RGS12: variants seen among roughly 807,000 people sequenced by gnomAD.
The protein encoded by RGS12 is regulator of G-protein signaling 12.
RGS12 carries 66 observed loss-of-function variants against 120.1 expected under a neutral mutation model. The ratio of observed to expected loss-of-function variants is 0.55; its 90% CI spans 0.45 to 0.67. The LOEUF (loss-of-function observed/expected upper bound fraction) is 0.67. Ranked by LOEUF, RGS12 falls within the 30% of genes least tolerant of loss-of-function variation. The pLI, the probability that RGS12 is intolerant of heterozygous loss-of-function variation, is 0.00. For synonymous variants in RGS12, 827 were observed against 804.7 expected (o/e 1.03, Z -0.47); for missense variants, 1,859 against 1,957.7 (o/e 0.95, Z 0.95).
intron 3 of RGS12, among the ~76,000 whole-genome samples, chr4:3,363,156 CGT>C (rs906999595): frequency 3.1e-5 from 4 of 130,234 alleles, no homozygotes; most frequent in African/African-American, 1.2e-4. Context: ...TGCGCGAGGG[CGT>C]GTGTGTGAGT....
At chr4:3,431,820 C>T in intron 17 of RGS12, 1 of 985,732 alleles carries the variant, frequency 1.0e-6, no homozygotes, top group African/African-American at 1.7e-5. Flanking sequence ...CCTCTCCGTC[C>T]TGTGCCCTGG....
intron 1 of RGS12, among the ~76,000 whole-genome samples, chr4:3,302,777 A>G (rs541316849): frequency 6.6e-6 from 1 of 152,206 alleles, no homozygotes; most frequent in African/African-American, 2.4e-5. Context: ...TGGAGGAGTC[A>G]TTGGGGGCCT....
chr4:3,394,603 C>A (rs1719862939), intron 4 of RGS12, among the ~76,000 whole-genome samples: 1 of 152,218 alleles, frequency 6.6e-6, no homozygotes, highest in Admixed American at 6.5e-5. Flanking sequence ...CATTTCGTGA[C>A]ACTATTTAAA....
chr4:3,292,974 C>T (rs1345545738), upstream of RGS12: 1 of 150,260 alleles, frequency 6.7e-6, no homozygotes, highest in African/African-American at 2.4e-5. Flanking sequence ...CGTCCCCGCC[C>T]CTCCTCCGGC....
intron 4 of RGS12, 92 bp from the exon 5 acceptor site, chr4:3,413,980 G>T (rs957465616): frequency 4.6e-5 from 61 of 1,329,808 alleles, no homozygotes; most frequent in Non-Finnish European, 6.0e-5. Context: ...AGAGCTTGCT[G>T]CGTGTCCCAG....
At chr4:3,343,081 T>C in intron 3 of RGS12, 28 bp downstream of exon 3, 1 of 1,544,160 alleles carries the variant, frequency 6.5e-7, no homozygotes, top group Non-Finnish European at 8.9e-7. Context: ...TTTCTTCTTT[T>C]CTCCTTCAAG....
chr4:3,330,242 A>G (rs1343695812), intron 2 of RGS12, among the ~76,000 whole-genome samples: 2 of 152,166 alleles, frequency 1.3e-5, no homozygotes, highest in Non-Finnish European at 2.9e-5. Context: ...TTCCAAGTTT[A>G]TTTACTGTGA....
chr4:3,376,247 A>AACACACACACACACACAC (rs55666879), intron 3 of RGS12, among the ~76,000 whole-genome samples: 2 of 143,492 alleles, frequency 1.4e-5, no homozygotes, highest in Non-Finnish European at 1.5e-5. Context: ...AGCTCCTTGG[A>AACACACACACACACACAC]ACACACACAC....
chr4:3,316,208 C>G lies in RGS12; in HGVS notation c.38C>G (p.Pro13Arg). 3 of 1,593,928 alleles carry G rather than the reference C, an allele frequency of 1.9e-6. No homozygotes were observed. The highest frequency in any genetic ancestry group is 2.6e-6 in the Non-Finnish European group (3 of 1,168,494). Residue 13 changes from proline to arginine, a missense_variant, in exon 2 of 18, where the codon CCT becomes CGT. Physicochemically the swap from Pro to Arg is moderately radical, Grantham distance 103. This residue lies in a region of RGS12 where 967 missense variants were observed against 994.2 expected (regional missense o/e 0.97). Coordinates refer to ENST00000336727, the MANE Select transcript of RGS12 (RefSeq NM_001394154.1). ...GGGGAGGCCTCCAAACGCCCATTGC[C>G]TGGGCCGTCGCCCCCAAGGGTGCGG... ...RAGEASKRPL[P>R]GPSPPRVRSV... is the part of the protein sequence containing the mutation.
At chr4:3,384,279 C>T (rs563210076) in intron 3 of RGS12, among the ~76,000 whole-genome samples, 4 of 152,100 alleles carry the variant, frequency 2.6e-5, no homozygotes, top group Non-Finnish European at 5.9e-5. Context: ...CTCAGCCTCC[C>T]GAGTAGCTGG....
Position 3,430,891 on chromosome 4 carries a change from C to G in RGS12, c.4050C>G (p.Ser1350Arg). ...TGATGGGGGAGGGGGACATCAGCAG[C>G]CCCAACAGCACCTTGCTGCCGCCGC... is the stretch of plus-strand genomic sequence containing the variant. ...LTLMGEGDIS[S>R]PNSTLLPPPS... is the part of the protein sequence containing the mutation. The change falls in exon 17 of 18, where the codon AGC becomes AGG. Residue 1350 changes from serine to arginine, a missense_variant. Ser to Arg is a moderately radical substitution (Grantham distance 110, BLOSUM62 -1). Around this residue, in one of 3 missense-constraint regions of RGS12, gnomAD observed 517 missense variants for 488.5 expected, o/e 1.06. Transcript: ENST00000336727. 6.2e-7 allele frequency: 1 copy of G among 1,612,690 alleles called. No homozygotes were observed. The highest frequency in any genetic ancestry group is 8.5e-7 in the Non-Finnish European group (1 of 1,179,908).
At chr4:3,425,762 G>A (rs1251190895) in intron 14 of RGS12, among the ~76,000 whole-genome samples, 2 of 63,682 alleles carry the variant, frequency 3.1e-5, no homozygotes, top group Non-Finnish European at 3.2e-5. Flanking sequence ...GGGCTGTGGC[G>A]TTGGCATAGG....
chr4:3,408,484 CAGA>C (rs1560154528), intron 4 of RGS12, among the ~76,000 whole-genome samples: 6 of 152,190 alleles, frequency 3.9e-5, no homozygotes, highest in Admixed American at 1.3e-4. Context: ...GAATTTTGTC[CAGA>C]TGGAATCGTA....
chr4:3,406,430 A>G (rs1205185355), intron 4 of RGS12, among the ~76,000 whole-genome samples: 1 of 152,176 alleles, frequency 6.6e-6, no homozygotes, highest in African/African-American at 2.4e-5. Flanking sequence ...ATCAAGTTAG[A>G]GCTGCTTGTG....
chr4:3,369,682 T>G (rs1716762581), intron 3 of RGS12, among the ~76,000 whole-genome samples: 1 of 152,210 alleles, frequency 6.6e-6, no homozygotes. Context: ...TCCCTAGGCT[T>G]TACAAATAGT....
At chr4:3,342,428 G>C in intron 2 of RGS12, 5 of 1,267,920 alleles carry the variant, frequency 3.9e-6, no homozygotes, top group Non-Finnish European at 5.1e-6. Context: ...TATTTCCTGC[G>C]CCGGAGTTGG....
intron 3 of RGS12, among the ~76,000 whole-genome samples, chr4:3,362,277 G>A (rs1460223827): frequency 6.6e-6 from 1 of 152,172 alleles, no homozygotes; most frequent in Admixed American, 6.5e-5. Flanking sequence ...CGAGTGCCAG[G>A]TTGAGGGGCA....
rs144393235 is a variant in RGS12 at position 3,358,834 on chromosome 4, A to G, written c.1998+15781A>G. On this transcript the variant is annotated intron_variant, in intron 3 of 17. Coordinates refer to ENST00000336727, the MANE Select transcript of RGS12 (RefSeq NM_001394154.1). ...CTTGATGTCAGGGTAATACTGTCAT[A>G]GAAGAGGAAGTATTCCTCCTTCCCC... Among the ~76,000 whole-genome samples the G allele has an allele frequency of 2.0e-3, 302 of 151,346 alleles. 1 individual carries two copies. The highest frequency in any genetic ancestry group is 7.0e-3 in the African/African-American group (288 of 41,140).
chr4:3,416,129 C>T lies in RGS12; in HGVS notation c.2427+8C>T, dbSNP rs1271735526. 1 of 1,613,870 alleles carries T rather than the reference C, an allele frequency of 6.2e-7. No individual in the cohort carries two copies. Among genetic ancestry groups the T allele is most frequent in the Non-Finnish European group, 8.5e-7 (1 of 1,179,926 alleles). On this transcript the variant is annotated splice_region_variant and intron_variant, in intron 7 of 17. Transcript: ENST00000336727. ...AAGGAGCAGCAGCTGCAGGTAACCG[C>T]AGGCTGTGGGAGCTTGTGGGGAGTC...
Sources: gnomAD v4.1 joint callset for allele counts (sites outside exome capture counted in the v4.1 genomes callset) on GRCh38, gnomAD v4.1.1 for gene constraint, gnomAD v4.1.1 regional missense constraint, MANE v1.5 for transcripts, NCBI Gene and HGNC (gene_info 2026-07-23, HGNC 2026-07-21) for gene names.